Variants in GALNTL6 observed in about 807,000 individuals in gnomAD.
GALNTL6 encodes the protein polypeptide N-acetylgalactosaminyltransferase-like 6.
A neutral mutation model predicts 73.7 loss-of-function variants in GALNTL6; 46 were observed. The ratio of observed to expected loss-of-function variants is 0.62; its 90% CI spans 0.49 to 0.80. The LOEUF (loss-of-function observed/expected upper bound fraction) is 0.80, where lower values mean the gene tolerates loss of function less well. Ranked by LOEUF, GALNTL6 falls within the 30% of genes least tolerant of loss-of-function variation. The pLI is 0.00. For missense variants in GALNTL6, 604 were observed against 755.0 expected, an observed-to-expected ratio of 0.80 and a Z score of 2.34; for synonymous variants, 259 against 263.7, an observed-to-expected ratio of 0.98 and a Z score of 0.17.
At chr4:172,703,144 A>T (rs961185717) in intron 5 of GALNTL6, among the ~76,000 whole-genome samples, 4 of 151,976 alleles carry the variant, frequency 2.6e-5, no homozygotes, top group East Asian at 3.8e-4. Flanking sequence ...TTATATTTTT[A>T]AAAAATCTTA....
At chr4:172,046,413 T>A (rs898595634) in intron 2 of GALNTL6, among the ~76,000 whole-genome samples, 31 of 152,140 alleles carry the variant, frequency 2.0e-4, no homozygotes, top group African/African-American at 7.2e-4. Flanking sequence ...CATCAACTCG[T>A]CATTAACATT....
chr4:172,354,694 C>G (rs1742090733), intron 5 of GALNTL6, among the ~76,000 whole-genome samples: 1 of 152,040 alleles, frequency 6.6e-6, no homozygotes. Flanking sequence ...TGGATATTAC[C>G]CACCAGTAGC....
intron 7 of GALNTL6, among the ~76,000 whole-genome samples, chr4:172,824,243 G>A (rs1705039720): frequency 6.6e-6 from 1 of 152,104 alleles, no homozygotes; most frequent in Non-Finnish European, 1.5e-5. Flanking sequence ...CCAGGGGTCA[G>A]CGAGCAGTCT....
At chr4:171,930,686 A>C (rs2002564) in intron 2 of GALNTL6, among the ~76,000 whole-genome samples, 70,764 of 151,746 alleles carry the variant, frequency 0.47, 16,930 homozygotes, top group Middle Eastern at 0.56. Flanking sequence ...AAATAAAAAA[A>C]ATAGCCAGGC....
chr4:172,170,972 G>A (rs191529916), intron 2 of GALNTL6, among the ~76,000 whole-genome samples: 36 of 151,662 alleles, frequency 2.4e-4, no homozygotes, highest in South Asian at 2.3e-3. Flanking sequence ...TTTTCTTATC[G>A]TCAAATAATG....
intron 2 of GALNTL6, among the ~76,000 whole-genome samples, chr4:172,162,657 C>G (rs1006543824): frequency 6.6e-6 from 1 of 151,932 alleles, no homozygotes; most frequent in Non-Finnish European, 1.5e-5. Flanking sequence ...TTAAAAAGAT[C>G]TTGTGGCTAT....
intron 2 of GALNTL6, among the ~76,000 whole-genome samples, chr4:172,031,405 A>G (rs1741765378): frequency 6.6e-6 from 1 of 152,164 alleles, no homozygotes; most frequent in African/African-American, 2.4e-5. Context: ...GAATAAACTT[A>G]CAAGACGTGC....
chr4:172,710,905 A>G (rs776145434), intron 5 of GALNTL6, among the ~76,000 whole-genome samples: 9 of 152,196 alleles, frequency 5.9e-5, no homozygotes, highest in Non-Finnish European at 1.0e-4. Context: ...ATTATTGAAC[A>G]TTCAACAAAT....
chr4:172,985,602 C>T (rs1042224269), intron 10 of GALNTL6, among the ~76,000 whole-genome samples: 81 of 151,892 alleles, frequency 5.3e-4, no homozygotes, highest in Non-Finnish European at 2.2e-4. Context: ...CCTGAAAATT[C>T]GAAGACTAGG....
chr4:172,706,189 C>T (rs1734341962), intron 5 of GALNTL6, among the ~76,000 whole-genome samples: 1 of 151,820 alleles, frequency 6.6e-6, no homozygotes, highest in South Asian at 2.1e-4. Context: ...TTCCAAATTG[C>T]CTATTTTCCA....
chr4:172,318,123 C>A (rs1047012277), intron 4 of GALNTL6, among the ~76,000 whole-genome samples: 5 of 152,110 alleles, frequency 3.3e-5, no homozygotes, highest in African/African-American at 9.7e-5. Flanking sequence ...TAAGTGAGTA[C>A]CCTTCAATAT....
At position 172,180,617 on chromosome 4, in the gene GALNTL6, A is replaced by G. The variant is rs184177897; in HGVS notation, c.139-49039A>G. ...TAAGTCTTTAATTGATCTTGAGTTA[A>G]TTTTTGTAGAAAGTGTAAGGAAGCG... On this transcript the variant is annotated intron_variant, in intron 2 of 12. Coordinates refer to ENST00000506823, the MANE Select transcript of GALNTL6 (RefSeq NM_001034845.3). Among the ~76,000 whole-genome samples, 406 of 152,160 alleles carry G rather than the reference A, an allele frequency of 2.7e-3. 3 individuals are homozygous for G. Among genetic ancestry groups the G allele is most frequent in the African/African-American group, 9.2e-3 (383 of 41,508 alleles).
chr4:171,964,798 G>A (rs1455978774), intron 2 of GALNTL6, among the ~76,000 whole-genome samples: 13 of 152,102 alleles, frequency 8.5e-5, no homozygotes, highest in Admixed American at 8.5e-4. Flanking sequence ...TGTTCTGGCG[G>A]TCGACCTTGG....
rs75581412 is a variant in GALNTL6, at chr4:172,541,094, G to T, written c.553+192405G>T. Among the ~76,000 whole-genome samples, 1,171 of 152,106 alleles carry T rather than the reference G, an allele frequency of 7.7e-3. 17 individuals carry two copies. The highest frequency in any genetic ancestry group is 0.026 in the African/African-American group (1,096 of 41,498). On this transcript the variant is annotated intron_variant, in intron 5 of 12. Transcript: ENST00000506823. ...CCTAAAATATTTTGATGTCCTTCAG[G>T]GTCTACTGTCTGTCTTTTGATGCTA...
intron 5 of GALNTL6, among the ~76,000 whole-genome samples, chr4:172,763,105 C>A (rs922858473): frequency 5.9e-5 from 9 of 151,556 alleles, no homozygotes; most frequent in Non-Finnish European, 1.2e-4. Flanking sequence ...CAGATAGACA[C>A]AGGAGCGGTA....
chr4:171,887,909 T>C (rs1236315569), intron 2 of GALNTL6, among the ~76,000 whole-genome samples: 1 of 152,166 alleles, frequency 6.6e-6, no homozygotes, highest in Non-Finnish European at 1.5e-5. Flanking sequence ...TTTACTCAAA[T>C]AAGGTCATAG....
At chr4:171,824,334 C>T (rs1376126649) in intron 2 of GALNTL6, among the ~76,000 whole-genome samples, 3 of 151,906 alleles carry the variant, frequency 2.0e-5, no homozygotes, top group Non-Finnish European at 4.4e-5. Flanking sequence ...GACACTAGCT[C>T]CAGACTCCCT....
At chr4:171,829,160 G>T (rs1734900222) in intron 2 of GALNTL6, among the ~76,000 whole-genome samples, 1 of 152,056 alleles carries the variant, frequency 6.6e-6, no homozygotes, top group African/African-American at 2.4e-5. Context: ...ATGGTAAACT[G>T]TACTAGCAGT....
intron 3 of GALNTL6, among the ~76,000 whole-genome samples, chr4:172,291,660 A>C (rs1412551673): frequency 6.6e-6 from 1 of 152,032 alleles, no homozygotes; most frequent in Non-Finnish European, 1.5e-5. Context: ...AGGCAAAGGC[A>C]ATTGATGAGG....
Sources: gnomAD v4.1 joint callset for allele counts (sites outside exome capture counted in the v4.1 genomes callset) on GRCh38, gnomAD v4.1.1 for gene constraint, MANE v1.5 for transcripts, NCBI Gene and HGNC (gene_info 2026-07-23, HGNC 2026-07-21) for gene names.